DLGAP1: variants seen among roughly 807,000 people sequenced by gnomAD.
DLGAP1 encodes disks large-associated protein 1.
Under a neutral mutation model 90.8 loss-of-function variants are expected in DLGAP1, and 11 were observed. The ratio of observed to expected loss-of-function variants is 0.12; its 90% CI spans 0.08 to 0.20. DLGAP1 has a LOEUF of 0.20. Among genes scored for constraint, DLGAP1 ranks in the 10% least tolerant of loss-of-function variants. DLGAP1 has a pLI of 1.00. For missense variants in DLGAP1, 1,050 were observed against 1,333.8 expected, an observed-to-expected ratio of 0.79 and a Z score of 3.31; for synonymous variants, 558 against 540.7, an observed-to-expected ratio of 1.03 and a Z score of -0.44.
intron 9 of DLGAP1, among the ~76,000 whole-genome samples, chr18:3,558,421 TG>T (rs1229969367): frequency 6.6e-6 from 1 of 152,008 alleles, no homozygotes; most frequent in Non-Finnish European, 1.5e-5. Context: ...TTAGTAGAGA[TG>T]GGGTTTCACC....
chr18:4,336,286 A>G (rs2081066095), intron 1 of DLGAP1, among the ~76,000 whole-genome samples: 1 of 152,228 alleles, frequency 6.6e-6, no homozygotes, highest in East Asian at 1.9e-4. Context: ...ATTCCCAGAA[A>G]TCTAATGTGG....
intron 1 of DLGAP1, among the ~76,000 whole-genome samples, chr18:4,377,753 AAAATAGCTTATCTC>A (rs1474150296): frequency 4.6e-5 from 7 of 152,158 alleles, no homozygotes; most frequent in Non-Finnish European, 8.8e-5. Flanking sequence ...GTTGGAATGG[AAAATAGCTTATCTC>A]ATACACTGTT....
intron 7 of DLGAP1, among the ~76,000 whole-genome samples, chr18:3,620,559 T>C (rs999127865): frequency 6.6e-6 from 1 of 151,856 alleles, no homozygotes; most frequent in Non-Finnish European, 1.5e-5. Context: ...TTATTATTAT[T>C]ATTATTATTA....
chr18:4,192,812 G>C (rs1423490161), intron 1 of DLGAP1, among the ~76,000 whole-genome samples: 1 of 152,196 alleles, frequency 6.6e-6, no homozygotes, highest in African/African-American at 2.4e-5. Flanking sequence ...CAAATCATGA[G>C]CTTTGTAGGC....
intron 1 of DLGAP1, among the ~76,000 whole-genome samples, chr18:4,212,967 G>A (rs774039935): frequency 6.6e-6 from 1 of 151,994 alleles, no homozygotes; most frequent in Admixed American, 6.6e-5. Context: ...TAATAAAGTG[G>A]CAAATAAATT....
intron 3 of DLGAP1, among the ~76,000 whole-genome samples, chr18:3,890,413 C>A (rs1568282137): frequency 6.6e-6 from 1 of 152,178 alleles, no homozygotes; most frequent in Admixed American, 6.5e-5. Context: ...GTTTGGCCTG[C>A]CCTGACCTCT....
intron 2 of DLGAP1, among the ~76,000 whole-genome samples, chr18:4,060,353 C>T (rs1174496304): frequency 2.6e-5 from 4 of 152,160 alleles, no homozygotes; most frequent in Non-Finnish European, 4.4e-5. Flanking sequence ...AAAAGGTTAA[C>T]ACTGCTTTAG....
intron 7 of DLGAP1, among the ~76,000 whole-genome samples, chr18:3,585,079 GCTCAACAATAAGTGTCGACTTC>G (rs2055795963): frequency 6.6e-6 from 1 of 152,098 alleles, no homozygotes; most frequent in Non-Finnish European, 1.5e-5. Flanking sequence ...TTTGAATGCA[GCTCAACAATAAGTGTCGACTTC>G]CTCATTTTTT....
chr18:3,902,193 C>G (rs1351683557), intron 3 of DLGAP1, among the ~76,000 whole-genome samples: 1 of 152,086 alleles, frequency 6.6e-6, no homozygotes, highest in African/African-American at 2.4e-5. Context: ...GTTTTTCCTC[C>G]CTCTTAAGCA....
rs149636115 is a variant in DLGAP1, at chr18:3,861,687, A to G, written c.957+17425T>C. Among the ~76,000 whole-genome samples, 638 of 152,206 alleles carry G rather than the reference A, an allele frequency of 4.2e-3. 10 individuals are homozygous for G. The highest frequency in any genetic ancestry group is 0.014 in the African/African-American group (600 of 41,514). On this transcript the variant is annotated intron_variant, in intron 4 of 12. Transcript: ENST00000315677. ...CATCCAAAGGTCTTTTTGAGATAGG[A>G]TTATTTCAGAAGTCAGTCAAATGTG...
chr18:3,523,689 T>C (rs1027512111), intron 10 of DLGAP1, among the ~76,000 whole-genome samples: 1 of 151,398 alleles, frequency 6.6e-6, no homozygotes, highest in Non-Finnish European at 1.5e-5. Flanking sequence ...CTACTAAAAA[T>C]ACAAAAAATT....
chr18:3,796,949 G>T (rs2066019325), intron 5 of DLGAP1, among the ~76,000 whole-genome samples: 2 of 152,162 alleles, frequency 1.3e-5, no homozygotes, highest in South Asian at 2.1e-4. Flanking sequence ...CAGTGTGATG[G>T]TATCTGGAGA....
intron 1 of DLGAP1, among the ~76,000 whole-genome samples, chr18:4,205,868 A>G (rs1349880303): frequency 6.6e-6 from 1 of 152,210 alleles, no homozygotes; most frequent in African/African-American, 2.4e-5. Context: ...GATTGACTTG[A>G]TGAAAACTGT....
At chr18:4,107,068 G>A (rs1422444036) in intron 2 of DLGAP1, among the ~76,000 whole-genome samples, 1 of 152,182 alleles carries the variant, frequency 6.6e-6, no homozygotes, top group African/African-American at 2.4e-5. Flanking sequence ...AGAAAGCCAC[G>A]CGGCTTAATA....
chr18:3,752,135 T>G (rs1200085379), intron 5 of DLGAP1, among the ~76,000 whole-genome samples: 1 of 152,088 alleles, frequency 6.6e-6, no homozygotes, highest in Non-Finnish European at 1.5e-5. Context: ...CTGCCTGCCT[T>G]GGCCTCCCAA....
chr18:3,707,612 A>C (rs564752810), intron 7 of DLGAP1, among the ~76,000 whole-genome samples: 48 of 152,068 alleles, frequency 3.2e-4, no homozygotes, highest in South Asian at 1.7e-3. Flanking sequence ...TCAAAGAAAA[A>C]AAAAAAAAAG....
intron 6 of DLGAP1, among the ~76,000 whole-genome samples, chr18:3,738,495 G>C (rs2147598055): frequency 6.7e-6 from 1 of 149,128 alleles, no homozygotes; most frequent in African/African-American, 2.5e-5. Context: ...TCTGATCTTT[G>C]ACAAACCTGA....
At chr18:4,308,833 A>T (rs780933876) in intron 1 of DLGAP1, among the ~76,000 whole-genome samples, 70 of 152,148 alleles carry the variant, frequency 4.6e-4, no homozygotes, top group African/African-American at 1.7e-3. Context: ...AATAAAATGA[A>T]CTTCATCTTT....
At position 4,110,295 on chromosome 18, in the gene DLGAP1, A is replaced by C. The variant is rs181826381; in HGVS notation, c.-159+40885T>G. Among the ~76,000 whole-genome samples the C allele has an allele frequency of 2.9e-3, 436 of 152,322 alleles. 4 individuals are homozygous for C. The highest frequency in any genetic ancestry group is 0.01 in the African/African-American group (418 of 41,572). ...AAACATATTGAAACAAAGAAAAAGT[A>C]CAGTAAAATACATTGTTATAGTCTT... On this transcript the variant is annotated intron_variant, in intron 2 of 12. Coordinates refer to ENST00000315677, the MANE Select transcript of DLGAP1 (RefSeq NM_004746.4).
Sources: gnomAD v4.1 joint callset for allele counts (sites outside exome capture counted in the v4.1 genomes callset) on GRCh38, gnomAD v4.1.1 for gene constraint, MANE v1.5 for transcripts, NCBI Gene and HGNC (gene_info 2026-07-23, HGNC 2026-07-21) for gene names.